The following UBXN7 variants were observed in gnomAD, a reference collection of about 807,000 sequenced individuals.
UBXN7 encodes UBX domain-containing protein 7.
In UBXN7, 9 loss-of-function variants were observed where a neutral mutation model predicts 58.0. That is an observed-to-expected ratio of 0.16 (90% CI 0.09 to 0.27). The LOEUF (loss-of-function observed/expected upper bound fraction) is 0.27, where lower values mean the gene tolerates loss of function less well. UBXN7 is among the 10% of genes least tolerant of loss of function. The pLI is 1.00. For synonymous variants in UBXN7, 208 were observed against 205.0 expected, an observed-to-expected ratio of 1.01 and a Z score of -0.12; for missense variants, 328 against 599.6, an observed-to-expected ratio of 0.55 and a Z score of 4.73.
At chr3:196,365,155 G>A (rs553097769) in intron 8 of UBXN7, among the ~76,000 whole-genome samples, 1 of 150,304 alleles carries the variant, frequency 6.7e-6, no homozygotes, top group African/African-American at 2.4e-5. Flanking sequence ...AAATAGTATT[G>A]AGCAATAGCA....
At chr3:196,368,405 T>C (rs929358961) in intron 7 of UBXN7, among the ~76,000 whole-genome samples, 3 of 151,922 alleles carry the variant, frequency 2.0e-5, no homozygotes, top group Admixed American at 2.0e-4. Flanking sequence ...AGGTAATATC[T>C]AGAATCTTTC....
chr3:196,378,087 TTGTG>T (rs757561940), intron 5 of UBXN7, among the ~76,000 whole-genome samples: 3 of 152,192 alleles, frequency 2.0e-5, no homozygotes, highest in Non-Finnish European at 4.4e-5. Flanking sequence ...ATATATGTGT[TTGTG>T]TGTGTTTGTT....
rs193240740 is a variant in UBXN7 at position 196,351,786 on chromosome 3, C to T, written c.*4899G>A. 7.6e-4 allele frequency: 116 copies of T among 152,302 alleles called. No homozygotes were observed. The highest frequency in any genetic ancestry group is 2.7e-3 in the African/African-American group (111 of 41,550). The allele number at this position is 152,302 out of a possible 1,614,324, so 9.4% of individuals were successfully genotyped here. ...GTGCCCTTTCTGCATATAACATATA[C>T]TATACTATGCATTGGATTTGTACCT... On this transcript the variant is annotated 3_prime_UTR_variant, in exon 11 of 11. Transcript: ENST00000296328.
chr3:196,383,222 C>T (rs1485821316), intron 5 of UBXN7, among the ~76,000 whole-genome samples: 4 of 152,006 alleles, frequency 2.6e-5, no homozygotes, highest in Non-Finnish European at 5.9e-5. Flanking sequence ...AAGGCCATTA[C>T]ATATTGGTAA....
chr3:196,374,876 G>C (rs1314285392), intron 5 of UBXN7, among the ~76,000 whole-genome samples: 1 of 32,838 alleles, frequency 3.0e-5, no homozygotes, highest in Non-Finnish European at 6.5e-5. Flanking sequence ...GGGGAGGGGA[G>C]GGGAGGGGAG....
In UBXN7 at chr3:196,356,393, G is replaced by T; in HGVS notation, c.*292C>A. 1 of 265,158 alleles carries T rather than the reference G, an allele frequency of 3.8e-6. No homozygotes were observed. Among genetic ancestry groups the T allele is most frequent in the Non-Finnish European group, 7.1e-6 (1 of 140,778 alleles). 16.4% of individuals were successfully genotyped at this position (265,158 alleles called of 1,614,324 possible). ...AATTCCTGCTGCTAGTACTAGGAGA[G>T]GTCTTATCCTTACACTTCAGTTTGG... On this transcript the variant is annotated 3_prime_UTR_variant, in exon 11 of 11. Coordinates refer to ENST00000296328, the MANE Select transcript of UBXN7 (RefSeq NM_015562.2).
chr3:196,378,605 C>T (rs932865496), intron 5 of UBXN7, among the ~76,000 whole-genome samples: 5 of 152,190 alleles, frequency 3.3e-5, no homozygotes, highest in African/African-American at 7.2e-5. Flanking sequence ...TGGGCAGTTC[C>T]GAGAACTGAG....
intron 5 of UBXN7, among the ~76,000 whole-genome samples, chr3:196,379,345 T>C (rs1275331670): frequency 6.6e-6 from 1 of 152,202 alleles, no homozygotes; most frequent in East Asian, 1.9e-4. Flanking sequence ...TCATGACCAG[T>C]TTCTTGTGCT....
At chr3:196,382,824 T>G (rs540720206) in intron 5 of UBXN7, among the ~76,000 whole-genome samples, 7 of 151,708 alleles carry the variant, frequency 4.6e-5, no homozygotes, top group Non-Finnish European at 8.8e-5. Flanking sequence ...GCAAAAAAAA[T>G]GCAGGGGTTG....
intron 3 of UBXN7, among the ~76,000 whole-genome samples, chr3:196,395,262 C>A (rs1046079155): frequency 6.6e-6 from 1 of 152,080 alleles, no homozygotes; most frequent in Admixed American, 6.6e-5. Flanking sequence ...TTCTTTATAT[C>A]CAGAACTACC....
At chr3:196,398,073 C>A (rs935302837) in intron 3 of UBXN7, among the ~76,000 whole-genome samples, 2 of 152,166 alleles carry the variant, frequency 1.3e-5, no homozygotes, top group Admixed American at 1.3e-4. Flanking sequence ...TTCCAGATTA[C>A]GTTACAAAAA....
chr3:196,385,374 T>C (rs1268091308), intron 5 of UBXN7, among the ~76,000 whole-genome samples: 1 of 152,178 alleles, frequency 6.6e-6, no homozygotes, highest in Non-Finnish European at 1.5e-5. Flanking sequence ...CCCAGCCGCC[T>C]GCCTTGGCCT....
chr3:196,394,625 A>G (rs1271442450), intron 3 of UBXN7, among the ~76,000 whole-genome samples: 1 of 152,092 alleles, frequency 6.6e-6, no homozygotes, highest in Non-Finnish European at 1.5e-5. Flanking sequence ...AAAGTTTACT[A>G]TCTTAATATC....
chr3:196,363,048 GCGCCC>G (rs1728548875), intron 8 of UBXN7, among the ~76,000 whole-genome samples: 1 of 151,796 alleles, frequency 6.6e-6, no homozygotes, highest in African/African-American at 2.4e-5. Context: ...GGGATTACAA[GCGCCC>G]GCCACCACGC....
intron 1 of UBXN7, among the ~76,000 whole-genome samples, chr3:196,410,074 G>T (rs535039927): frequency 1.9e-4 from 29 of 151,806 alleles, no homozygotes; most frequent in African/African-American, 6.8e-4. Flanking sequence ...CAAGTGGCTG[G>T]GATTACAGGC....
chr3:196,358,170 G>T (rs1728403850), intron 10 of UBXN7, among the ~76,000 whole-genome samples: 2 of 152,222 alleles, frequency 1.3e-5, no homozygotes, highest in Admixed American at 1.3e-4. Context: ...AAAGCCACCA[G>T]TATGCAGAGA....
At chr3:196,413,820 T>A (rs548201351) in intron 1 of UBXN7, among the ~76,000 whole-genome samples, 1 of 152,292 alleles carries the variant, frequency 6.6e-6, no homozygotes, top group South Asian at 2.1e-4. Flanking sequence ...AAGTTCTTCA[T>A]ATAAAATGGT....
chr3:196,429,199 C>T (rs562309639), intron 1 of UBXN7, among the ~76,000 whole-genome samples: 31 of 152,002 alleles, frequency 2.0e-4, no homozygotes, highest in Non-Finnish European at 3.4e-4. Context: ...TGGTGGCAGG[C>T]GCCTGTGGTC....
chr3:196,422,210 A>C (rs1459147447), intron 1 of UBXN7, among the ~76,000 whole-genome samples: 2 of 152,092 alleles, frequency 1.3e-5, no homozygotes, highest in African/African-American at 4.8e-5. Flanking sequence ...AAAAACAAAA[A>C]ACAAAAAAGC....
Sources: allele counts gnomAD v4.1 joint callset (sites outside exome capture counted in the v4.1 genomes callset), GRCh38; gene constraint gnomAD v4.1.1; transcripts MANE v1.5; gene names NCBI Gene and HGNC (gene_info 2026-07-23, HGNC 2026-07-21).